ERP44: variants seen among roughly 807,000 people sequenced by gnomAD.
The protein encoded by ERP44 is endoplasmic reticulum protein 44, also known as endoplasmic reticulum resident protein 44.
Under a neutral mutation model 53.4 loss-of-function variants are expected in ERP44, and 25 were observed. The ratio of observed to expected loss-of-function variants is 0.47; its 90% CI spans 0.34 to 0.65. The LOEUF (loss-of-function observed/expected upper bound fraction) is 0.65, where lower values mean the gene tolerates loss of function less well. ERP44 is among the 30% of genes least tolerant of loss of function. The pLI is 0.01. For synonymous variants in ERP44, 145 were observed against 161.2 expected (o/e 0.90, Z 0.76); for missense variants, 338 against 493.2 (o/e 0.69, Z 2.98).
At chr9:100,022,270 G>C (rs764853769) in intron 4 of ERP44, 44 bp from the exon 5 acceptor site, 2 of 1,490,556 alleles carry the variant, frequency 1.3e-6, no homozygotes, top group Non-Finnish European at 1.8e-6. Flanking sequence ...ATGTAGTCAG[G>C]GCAAGCCTGT....
At chr9:100,090,508 G>A (rs1397814782) in intron 1 of ERP44, among the ~76,000 whole-genome samples, 2 of 152,114 alleles carry the variant, frequency 1.3e-5, no homozygotes, top group Non-Finnish European at 2.9e-5. Flanking sequence ...TAACACTTTG[G>A]GAGGCTGAGG....
chr9:100,078,076 A>C (rs1313629038), intron 1 of ERP44, among the ~76,000 whole-genome samples: 1 of 152,256 alleles, frequency 6.6e-6, no homozygotes, highest in Non-Finnish European at 1.5e-5. Context: ...CCATGTGGCC[A>C]GCTGCAGAAA....
At chr9:99,994,300 C>T (rs1587956107) in intron 10 of ERP44, among the ~76,000 whole-genome samples, 1 of 152,280 alleles carries the variant, frequency 6.6e-6, no homozygotes, top group East Asian at 1.9e-4. Flanking sequence ...GGCACATATA[C>T]ACCGTGGAAT....
Position 99,984,934 on chromosome 9 carries a change from G to A in ERP44, c.1119+33C>T, listed in dbSNP as rs1308699032. ...AGGCTAACTGAAAAAGGGAAAAAAA[G>A]AGTTCTCATTGAAAAATAAACAGGA... On this transcript the variant is annotated intron_variant, in intron 11 of 11. Coordinates refer to ENST00000262455, the MANE Select transcript of ERP44 (RefSeq NM_015051.3). 7 of 1,373,408 alleles carry A rather than the reference G, an allele frequency of 5.1e-6. No homozygotes were observed. In the Admixed American group the frequency reaches 1.2e-4, roughly 24 times the overall value. The allele number at this position is 1,373,408 out of a possible 1,614,324, so 85.1% of individuals were successfully genotyped here.
intron 3 of ERP44, among the ~76,000 whole-genome samples, chr9:100,054,890 A>T (rs1428775778): frequency 6.6e-6 from 1 of 152,214 alleles, no homozygotes; most frequent in Non-Finnish European, 1.5e-5. Flanking sequence ...CAATGGATCT[A>T]TTAAAAGGGC....
intron 1 of ERP44, among the ~76,000 whole-genome samples, chr9:100,069,452 G>T (rs1312941245): frequency 6.6e-6 from 1 of 151,996 alleles, no homozygotes; most frequent in East Asian, 1.9e-4. Context: ...AATTATATAG[G>T]TACAAAGATA....
intron 4 of ERP44, among the ~76,000 whole-genome samples, chr9:100,034,062 A>T (rs1825825277): frequency 6.6e-6 from 1 of 152,162 alleles, no homozygotes; most frequent in African/African-American, 2.4e-5. Flanking sequence ...CATGTTGCAT[A>T]GGGGTTGGGT....
At chr9:100,062,566 T>C (rs2118720695) in intron 1 of ERP44, among the ~76,000 whole-genome samples, 1 of 152,300 alleles carries the variant, frequency 6.6e-6, no homozygotes, top group East Asian at 1.9e-4. Context: ...ATTTACAGTG[T>C]CTACTAGGTA....
intron 1 of ERP44, among the ~76,000 whole-genome samples, chr9:100,062,197 A>C (rs184810415): frequency 6.6e-6 from 1 of 152,196 alleles, no homozygotes; most frequent in South Asian, 2.1e-4. Context: ...GAATAAAAAT[A>C]AAGTTTTTCC....
chr9:99,992,829 CAAAATCAATGTGCA>C (rs1377445796), intron 10 of ERP44, among the ~76,000 whole-genome samples: 1 of 152,166 alleles, frequency 6.6e-6, no homozygotes, highest in East Asian at 1.9e-4. Flanking sequence ...TCTTGGGATA[CAAAATCAATGTGCA>C]AAAATCACAA....
rs762529090 is a variant in ERP44, at chr9:99,982,699, T to G, written c.1134A>C (p.Val378=). The stretch of plus-strand genomic sequence containing the variant: ...AGGAGCTCTCAGGTGGACTGCTTGC[T>G]ACATCTTGGGCTTGCTACAAAAGAA... The part of the protein sequence containing the change: ...DTAPGEQAQD[V]ASSPPESSFQ... Residue 378 remains valine, a synonymous_variant, in exon 12 of 12, where the codon GTA becomes GTC. Transcript: ENST00000262455. 3 of 1,607,160 alleles carry G rather than the reference T, an allele frequency of 1.9e-6. No individual in the cohort carries two copies. The highest frequency in any genetic ancestry group is 2.5e-6 in the Non-Finnish European group (3 of 1,177,366).
intron 10 of ERP44, among the ~76,000 whole-genome samples, chr9:100,000,731 TTTC>T (rs1325840922): frequency 6.6e-6 from 1 of 152,150 alleles, no homozygotes; most frequent in Non-Finnish European, 1.5e-5. Flanking sequence ...TCCTCTTTCA[TTTC>T]TTATTTTTTG....
chr9:100,062,338 A>T (rs1035045218), intron 1 of ERP44, among the ~76,000 whole-genome samples: 2 of 152,212 alleles, frequency 1.3e-5, no homozygotes, highest in African/African-American at 2.4e-5. Context: ...AGAGATGGGT[A>T]AGAAATCTTT....
chr9:100,011,900 G>A (rs1322246980), intron 8 of ERP44, among the ~76,000 whole-genome samples: 1 of 152,120 alleles, frequency 6.6e-6, no homozygotes, highest in Non-Finnish European at 1.5e-5. Flanking sequence ...AAGTGTTTTG[G>A]ATTTTGAAAT....
chr9:100,050,598 T>C (rs913152550), intron 4 of ERP44, among the ~76,000 whole-genome samples: 5 of 152,180 alleles, frequency 3.3e-5, no homozygotes, highest in African/African-American at 1.2e-4. Context: ...CTGTGGAAAA[T>C]GTAAATACAT....
chr9:100,007,451 G>A (rs1329339248), intron 9 of ERP44, 127 bp downstream of exon 9: 5 of 615,412 alleles, frequency 8.1e-6, no homozygotes, highest in Non-Finnish European at 1.5e-5. Flanking sequence ...ACATTTGAAT[G>A]TGTTAAAATA....
At chr9:99,993,147 G>C (rs535811104) in intron 10 of ERP44, among the ~76,000 whole-genome samples, 1 of 152,296 alleles carries the variant, frequency 6.6e-6, no homozygotes, top group East Asian at 1.9e-4. Context: ...TTTCTTCACA[G>C]AATTGGAAAC....
chr9:100,089,528 C>A (rs1826524816), intron 1 of ERP44, among the ~76,000 whole-genome samples: 2 of 147,028 alleles, frequency 1.4e-5, no homozygotes, highest in Non-Finnish European at 3.0e-5. Flanking sequence ...TTGCAGTGAA[C>A]CAATATCACG....
At chr9:100,087,016 A>T (rs1826492749) in intron 1 of ERP44, among the ~76,000 whole-genome samples, 1 of 151,018 alleles carries the variant, frequency 6.6e-6, no homozygotes, top group African/African-American at 2.5e-5. Context: ...TATAAATAAA[A>T]AAAAAAACTT....
Sources: gnomAD v4.1 joint callset for allele counts (sites outside exome capture counted in the v4.1 genomes callset) on GRCh38, gnomAD v4.1.1 for gene constraint, MANE v1.5 for transcripts, NCBI Gene and HGNC (gene_info 2026-07-23, HGNC 2026-07-21) for gene names.